Variants in AARS2 observed in about 807,000 individuals in gnomAD.
AARS2 encodes the protein alanine--tRNA ligase, mitochondrial.
A neutral mutation model predicts 119.7 loss-of-function variants in AARS2; 78 were observed. That is an observed-to-expected ratio of 0.65 (90% CI 0.54 to 0.79). The LOEUF (loss-of-function observed/expected upper bound fraction) is 0.79. Among genes scored for constraint, AARS2 ranks in the 30% least tolerant of loss-of-function variants. The pLI is 0.00. For synonymous variants in AARS2, 502 were observed against 526.3 expected, an observed-to-expected ratio of 0.95 and a Z score of 0.63; for missense variants, 1,157 against 1,291.3, an observed-to-expected ratio of 0.90 and a Z score of 1.59.
rs1368350397 is a variant in AARS2, at chr6:44,305,057, A to C, written c.1576T>G (p.Tyr526Asp). Residue 526 changes from tyrosine to aspartate, a missense_variant, in exon 11 of 22, where the codon TAT becomes GAT. Transcript: ENST00000244571. The surrounding 1 kb of genome is among the most constrained non-coding windows in gnomAD (Gnocchi z 4.6). ...YNYSLRPSGS[Y>D]EFGTCEAQVL... Reference sequence around the variant, plus strand: ...AGGCCTTGGTCCAGGCTCTCACCATAACTTCCGCTGGGTCGCAGGGAGTAG... The same window carrying C: ...AGGCCTTGGTCCAGGCTCTCACCATCACTTCCGCTGGGTCGCAGGGAGTAG... 1 of 1,614,028 alleles carries C rather than the reference A, an allele frequency of 6.2e-7. No homozygotes were observed. The highest frequency in any genetic ancestry group is 1.7e-5 in the Admixed American group (1 of 60,010).
intron 3 of AARS2, 34 bp from the exon 4 acceptor site, chr6:44,311,195 G>C: frequency 6.2e-7 from 1 of 1,613,610 alleles, no homozygotes; most frequent in Non-Finnish European, 8.5e-7. Flanking sequence ...GTGGGAGACA[G>C]ACAGACCCAG....
rs1466390612 is a variant in AARS2, at chr6:44,300,341, G to GGGGT, written c.*202_*205dup. The GGGGT allele has an allele frequency of 6.1e-6, 4 of 654,910 alleles. No individual in the cohort carries two copies. The African/African-American group carries it at 7.2e-5, about 12-fold the overall frequency. 40.6% of individuals were successfully genotyped at this position (654,910 alleles called of 1,614,324 possible). ...TGTCCATGTCTTCTCTTTCACCAAG[G>GGGGT]GGGTGTGTGTCTTTGGGCCCAGTTC... On this transcript the variant is annotated 3_prime_UTR_variant, in exon 22 of 22. Coordinates refer to ENST00000244571, the MANE Select transcript of AARS2 (RefSeq NM_020745.4).
rs1290427192 is a variant in AARS2, at chr6:44,313,307, G to T, written c.17C>A (p.Ala6Glu). The T allele has an allele frequency of 1.2e-6, 2 of 1,601,598 alleles. No individual in the cohort carries two copies. The highest frequency in any genetic ancestry group is 8.5e-7 in the Non-Finnish European group (1 of 1,178,512). Residue 6 changes from alanine (A) to glutamate (E), a missense_variant, in exon 1 of 22, where the codon GCA becomes GAA. By Grantham distance (107) the Ala-to-Glu change is moderately radical. Coordinates refer to ENST00000244571, the MANE Select transcript of AARS2 (RefSeq NM_020745.4). Reference protein sequence around the residue: MAASVAAAARRLRRAI... With the variant: MAASVEAAARRLRRAI... ...CCGCCGCAGCCTCCGGGCTGCAGCT[G>T]CCACTGACGCTGCCATCGTAGCTCC...
At position 44,312,326 on chromosome 6, in the gene AARS2, TG is replaced by T; in HGVS notation, c.244-64del. On this transcript the variant is annotated intron_variant, in intron 1 of 21. Coordinates refer to ENST00000244571, the MANE Select transcript of AARS2 (RefSeq NM_020745.4). Reference sequence around the variant, plus strand: ...CCAATTTCTCAGTAGAAGGGAAATGTGGGGAGTGAGGATAGGGATGGCTGTT... The same window carrying T: ...CCAATTTCTCAGTAGAAGGGAAATGTGGGAGTGAGGATAGGGATGGCTGTT... 5 of 1,535,146 alleles carry T rather than the reference TG, an allele frequency of 3.3e-6. No individual in the cohort carries two copies. In the South Asian group the frequency reaches 6.0e-5, roughly 18 times the overall value.
intron 12 of AARS2, 30 bp downstream of exon 12, chr6:44,304,615 A>G: frequency 6.2e-7 from 1 of 1,614,142 alleles, no homozygotes; most frequent in East Asian, 2.2e-5. Context: ...CCGCCCACAG[A>G]AATCAGCCTG....
rs1002993835 is a variant in AARS2 at position 44,301,409 on chromosome 6, A to G, written c.2654T>C (p.Val885Ala). The change falls in exon 20 of 22, where the codon GTG (valine) becomes GCG (alanine). Residue 885 changes from valine (V) to alanine (A), a missense_variant. Coordinates refer to ENST00000244571, the MANE Select transcript of AARS2 (RefSeq NM_020745.4). ...LERHSKGPLI[V>A]DTVSAESLSV... ...GAGAGACTCAGCAGAGACTGTGTCC[A>G]CAATCAGAGGCCCCTTCGAGTGCCG... 2 of 1,613,844 alleles carry G rather than the reference A, an allele frequency of 1.2e-6. No individual in the cohort carries two copies. The highest frequency in any genetic ancestry group is 2.2e-5 in the East Asian group (1 of 44,888).
chr6:44,301,439 A>G lies in AARS2; in HGVS notation c.2624T>C (p.Leu875Pro). The part of the protein sequence containing the change: ...GQAAKKTQEL[L>P]ERHSKGPLIV... The stretch of plus-strand genomic sequence containing the variant: ...CAGAGGCCCCTTCGAGTGCCGCTCC[A>G]GCAGCTCCTGAGTTTTCTTTGCAGC... The change falls in exon 20 of 22, where the codon CTG (leucine) becomes CCG (proline). Residue 875 changes from leucine (L) to proline (P), a missense_variant. Transcript: ENST00000244571. 1 of 1,613,848 alleles carries G rather than the reference A, an allele frequency of 6.2e-7. No individual in the cohort carries two copies. Among genetic ancestry groups the G allele is most frequent in the Non-Finnish European group, 8.5e-7 (1 of 1,180,018 alleles).
Position 44,307,051 on chromosome 6 carries a change from A to T in AARS2, c.1041-20T>A. 1 of 1,612,790 alleles carries T rather than the reference A, an allele frequency of 6.2e-7. No homozygotes were observed. The highest frequency in any genetic ancestry group is 8.5e-7 in the Non-Finnish European group (1 of 1,178,794). On this transcript the variant is annotated intron_variant, in intron 6 of 21. Transcript: ENST00000244571. This position sits in a 1 kb window ranked among gnomAD's most constrained non-coding sequence, Gnocchi z 4.4. ...ACCAGCCTAAAGGGGTTCAGAGCCC[A>T]GACATGAATCCCCAGCGGCTCATGG...
intron 12 of AARS2, 38 bp downstream of exon 12, chr6:44,304,607 G>C (rs374666737): frequency 6.2e-7 from 1 of 1,614,114 alleles, no homozygotes; most frequent in Non-Finnish European, 8.5e-7. Context: ...TGGGTCTGCC[G>C]CCCACAGAAA....
chr6:44,301,287 G>C, intron 20 of AARS2, 21 bp from the exon 21 acceptor site: 1 of 1,613,608 alleles, frequency 6.2e-7, no homozygotes, highest in Middle Eastern at 1.7e-4. Flanking sequence ...AAAGACAGAT[G>C]GTGAGCCCAT....
chr6:44,311,143 C>T lies in AARS2; in HGVS notation c.600G>A (p.Val200=), dbSNP rs1240352116. 14 of 1,614,158 alleles carry T rather than the reference C, an allele frequency of 8.7e-6. No individual in the cohort carries two copies. Among genetic ancestry groups the T allele is most frequent in the Non-Finnish European group, 1.1e-5 (13 of 1,180,048 alleles). Residue 200 remains valine, a synonymous_variant, in exon 4 of 22, where the codon GTG becomes GTA. Coordinates refer to ENST00000244571, the MANE Select transcript of AARS2 (RefSeq NM_020745.4). ...AGTTCTCTTGTGGTCCAAAGGAAAG[C>T]ACACGGCTAGCAGGCACCCTGGGGA... The part of the protein sequence containing the change: ...WLSLGVPASR[V]LSFGPQENFW...
Position 44,302,447 on chromosome 6 carries a change from TC to T in AARS2, c.2430del (p.Ser811AlafsTer8), listed in dbSNP as rs1325279925. On this transcript the variant is annotated frameshift_variant, in exon 18 of 22. Transcript: ENST00000244571. LOFTEE classifies it high-confidence loss of function. ...VKAATERLSL[G>X]SRDVAEALRL... ...CTCAGTGCCTCCGCCACATCCCGGC[TC>T]CCCAGACTCAGCCGCTCAGTGGCCG... The T allele has an allele frequency of 1.9e-6, 3 of 1,614,018 alleles. No homozygotes were observed. The highest frequency in any genetic ancestry group is 2.7e-5 in the African/African-American group (2 of 74,986).
intron 4 of AARS2, 107 bp from the exon 5 acceptor site, chr6:44,310,550 T>G (rs1193382498): frequency 6.9e-7 from 1 of 1,441,362 alleles, no homozygotes. Flanking sequence ...GAGCTGACAG[T>G]GGGAGGAACC....
intron 1 of AARS2, among the ~76,000 whole-genome samples, 179 bp downstream of exon 1, chr6:44,312,902 C>T (rs1412907108): frequency 6.6e-6 from 1 of 152,174 alleles, no homozygotes; most frequent in Non-Finnish European, 1.5e-5. Flanking sequence ...CTCAAGCCCT[C>T]CCCAAGCCCT....
rs535223487 is a variant in AARS2 at position 44,300,567 on chromosome 6, A to G, written c.2938T>C (p.Tyr980His). 16 of 1,614,050 alleles carry G rather than the reference A, an allele frequency of 9.9e-6. No homozygotes were observed. The Admixed American group carries it at 1.0e-4, about 10-fold the overall frequency. ...LEAALSIAQTYALSQL is the reference protein window; with the variant it reads ...LEAALSIAQTHALSQL ...CTGGGTCAGAGCTGGCTGAGGGCATAGGTTTGGGCTATACTGAGGGCAGCT... is the reference window on the plus strand; with the variant it reads ...CTGGGTCAGAGCTGGCTGAGGGCATGGGTTTGGGCTATACTGAGGGCAGCT... The change falls in exon 22 of 22, where the codon TAT becomes CAT. Residue 980 changes from tyrosine (Y) to histidine (H), a missense_variant. Transcript: ENST00000244571.
Position 44,311,098 on chromosome 6 carries a change from A to G in AARS2, c.645T>C (p.Thr215=), listed in dbSNP as rs762687694. 3.1e-6 allele frequency: 5 copies of G among 1,614,108 alleles called. No homozygotes were observed. In the South Asian group the frequency reaches 5.5e-5, roughly 18 times the overall value. The part of the protein sequence containing the change: ...PQENFWEMGD[T]GPCGPCTEIH... The stretch of plus-strand genomic sequence containing the variant: ...TCTCAGTACAGGGCCCACAAGGGCC[A>G]GTATCCCCCATCTCCCAGAAGTTCT... Residue 215 remains threonine, a synonymous_variant, in exon 4 of 22, where the codon ACT becomes ACC. Coordinates refer to ENST00000244571, the MANE Select transcript of AARS2 (RefSeq NM_020745.4).
At chr6:44,303,532 A>C in intron 14 of AARS2, 109 bp from the exon 15 acceptor site, 1 of 1,532,060 alleles carries the variant, frequency 6.5e-7, no homozygotes, top group Non-Finnish European at 9.0e-7. Context: ...CAGGTTCTAG[A>C]ATAGTGGCTA....
chr6:44,312,999 C>T (rs966199024), intron 1 of AARS2, 82 bp downstream of exon 1: 1 of 1,588,718 alleles, frequency 6.3e-7, no homozygotes, highest in Admixed American at 1.7e-5. Flanking sequence ...CCGCCTCTCG[C>T]TTCTTTTGCC....
chr6:44,312,323 A>C (rs149411851), intron 1 of AARS2, 60 bp from the exon 2 acceptor site: 3 of 1,539,088 alleles, frequency 1.9e-6, no homozygotes, highest in Non-Finnish European at 2.7e-6. Flanking sequence ...TAGAAGGGAA[A>C]TGTGGGGAGT....
Sources: gnomAD v4.1 joint callset for allele counts (sites outside exome capture counted in the v4.1 genomes callset) on GRCh38, gnomAD v4.1.1 for gene constraint, Gnocchi (gnomAD v3.1) non-coding constraint, MANE v1.5 for transcripts, NCBI Gene and HGNC (gene_info 2026-07-23, HGNC 2026-07-21) for gene names.